Variants in GNG2 observed in about 807,000 individuals in gnomAD.
GNG2 encodes the protein guanine nucleotide-binding protein G(I)/G(S)/G(O) subunit gamma-2.
In GNG2, 5 loss-of-function variants were observed where a neutral mutation model predicts 5.5. The ratio of observed to expected loss-of-function variants is 0.91; its 90% CI spans 0.48 to 1.92. GNG2 has a LOEUF of 1.92. GNG2 is among the 30% of genes most tolerant of loss of function. GNG2 has a pLI of 0.01. For synonymous variants in GNG2, 28 were observed against 32.0 expected (o/e 0.88, Z 0.42); for missense variants, 55 against 88.4 (o/e 0.62, Z 1.52).
intron 2 of GNG2, among the ~76,000 whole-genome samples, chr14:51,851,737 C>T (rs533817475): frequency 2.4e-4 from 36 of 152,314 alleles, no homozygotes; most frequent in African/African-American, 8.2e-4. Flanking sequence ...ATTCTGAACA[C>T]TTTAATTTCT....
intron 2 of GNG2, among the ~76,000 whole-genome samples, chr14:51,851,770 C>T (rs1028479833): frequency 2.0e-5 from 3 of 152,200 alleles, no homozygotes; most frequent in Admixed American, 2.0e-4. Context: ...TATCTTTTCT[C>T]TAGTGGTGCC....
intron 2 of GNG2, among the ~76,000 whole-genome samples, chr14:51,830,711 G>A (rs1473660256): frequency 6.6e-6 from 1 of 152,172 alleles, no homozygotes; most frequent in Non-Finnish European, 1.5e-5. Flanking sequence ...TGTGGTCCAA[G>A]CTGCCAATGT....
At chr14:51,853,922 G>T (rs138361486) in intron 2 of GNG2, among the ~76,000 whole-genome samples, 38 of 149,486 alleles carry the variant, frequency 2.5e-4, no homozygotes, top group African/African-American at 8.4e-4. Context: ...ACAGAGTCTC[G>T]CTCTGTTGCC....
At chr14:51,857,137 T>G (rs997017678), upstream of GNG2, among the ~76,000 whole-genome samples, 1 of 152,176 alleles carries the variant, frequency 6.6e-6, no homozygotes, top group African/African-American at 2.4e-5. Context: ...ATAATGGCTT[T>G]AGTGCTGAAA....
intron 2 of GNG2, among the ~76,000 whole-genome samples, chr14:51,909,949 T>C (rs1886194078): frequency 1.3e-5 from 2 of 152,150 alleles, no homozygotes; most frequent in South Asian, 2.1e-4. Context: ...AAGAAATGCA[T>C]TGAGAGACCA....
chr14:51,880,988 A>AAC (rs1884031493), intron 2 of GNG2, among the ~76,000 whole-genome samples: 5 of 148,504 alleles, frequency 3.4e-5, no homozygotes, highest in Admixed American at 1.3e-4. Flanking sequence ...AAAAAAAAAA[A>AAC]CCCTGAGATT....
intron 2 of GNG2, among the ~76,000 whole-genome samples, chr14:51,928,309 C>T (rs985811931): frequency 6.6e-6 from 1 of 152,038 alleles, no homozygotes; most frequent in Non-Finnish European, 1.5e-5. Flanking sequence ...AAATTACAGG[C>T]GCGGTGGCTC....
chr14:51,922,107 T>C (rs1887048226), intron 2 of GNG2, among the ~76,000 whole-genome samples: 2 of 152,252 alleles, frequency 1.3e-5, no homozygotes, highest in East Asian at 1.9e-4. Context: ...TTTCTGTGTG[T>C]ATATGCGTGT....
rs750058721 is a variant in GNG2 at position 51,966,717 on chromosome 14, G to A, written c.*30G>A. 5 of 1,604,780 alleles carry A rather than the reference G, an allele frequency of 3.1e-6. No individual in the cohort carries two copies. Among genetic ancestry groups the A allele is most frequent in the South Asian group, 1.1e-5 (1 of 90,894 alleles). On this transcript the variant is annotated 3_prime_UTR_variant, in exon 4 of 4. Coordinates refer to ENST00000556766, the MANE Select transcript of GNG2 (RefSeq NM_053064.5). ...TTGAGAGGGGCCTGAAGAGCCTCCG[G>A]GCTCCTGGGACATTGATGTAGAGTT...
chr14:51,927,437 C>G (rs1335930636), intron 2 of GNG2, among the ~76,000 whole-genome samples: 1 of 152,188 alleles, frequency 6.6e-6, no homozygotes, highest in African/African-American at 2.4e-5. Context: ...TAACAGATTG[C>G]TATATTTCAC....
At chr14:51,865,341 CA>C (rs1882804330) in intron 1 of GNG2, among the ~76,000 whole-genome samples, 1 of 152,010 alleles carries the variant, frequency 6.6e-6, no homozygotes, top group African/African-American at 2.4e-5. Context: ...CCCTCACCTC[CA>C]AGATGATGAC....
chr14:51,962,288 C>T (rs1889660895), intron 3 of GNG2, among the ~76,000 whole-genome samples: 1 of 151,978 alleles, frequency 6.6e-6, no homozygotes, highest in African/African-American at 2.4e-5. Flanking sequence ...TATGTAAGAT[C>T]TAATAGGTCT....
In GNG2 at chr14:51,967,192, C is replaced by T. The variant is rs969215278; in HGVS notation, c.*505C>T. 1 of 154,572 alleles carries T rather than the reference C, an allele frequency of 6.5e-6. No homozygotes were observed. Among genetic ancestry groups the T allele is most frequent in the Non-Finnish European group, 1.4e-5 (1 of 69,750 alleles). 9.6% of individuals were successfully genotyped at this position (154,572 alleles called of 1,614,324 possible). A position where few individuals can be genotyped will look rare whatever the true frequency, so the allele number is the denominator to read the frequency against. ...TCTTCCTTCTCCTCTACCCCTCCTT[C>T]CACCCCTCCCCATTAGAGTAGTGTG... On this transcript the variant is annotated 3_prime_UTR_variant, in exon 4 of 4. Transcript: ENST00000556766.
chr14:51,943,610 G>A (rs1295749386), intron 2 of GNG2, among the ~76,000 whole-genome samples: 1 of 152,122 alleles, frequency 6.6e-6, no homozygotes, highest in African/African-American at 2.4e-5. Flanking sequence ...GAAGACAAAA[G>A]CATTCTTCTC....
chr14:51,894,187 T>C (rs1047371126), intron 2 of GNG2, among the ~76,000 whole-genome samples: 8 of 152,156 alleles, frequency 5.3e-5, no homozygotes, highest in Non-Finnish European at 1.2e-4. Context: ...AAGGACTTTT[T>C]TATATTTTGC....
intron 2 of GNG2, among the ~76,000 whole-genome samples, chr14:51,942,375 C>T (rs946444196): frequency 1.3e-5 from 2 of 151,906 alleles, no homozygotes; most frequent in Non-Finnish European, 2.9e-5. Flanking sequence ...GTTAGAGTCT[C>T]CACTTCTGCA....
Position 51,928,963 on chromosome 14 carries a change from C to T in GNG2, c.-29-21687C>T, listed in dbSNP as rs148777487. ...TAATAAATGATGTGCTTTCGTTGTT[C>T]TCACCGAACTATAACTTTAAGCATT... On this transcript the variant is annotated intron_variant, in intron 2 of 3. Coordinates refer to ENST00000556766, the MANE Select transcript of GNG2 (RefSeq NM_053064.5). Among the ~76,000 whole-genome samples the T allele has an allele frequency of 7.1e-4, 108 of 152,288 alleles. 1 individual carries two copies. Among genetic ancestry groups the T allele is most frequent in the African/African-American group, 1.9e-3 (77 of 41,536 alleles).
intron 2 of GNG2, among the ~76,000 whole-genome samples, chr14:51,832,313 C>T (rs756036124): frequency 1.5e-4 from 22 of 151,250 alleles, no homozygotes. Context: ...AAAAAGATGG[C>T]AAAGCTATTT....
intron 2 of GNG2, among the ~76,000 whole-genome samples, chr14:51,883,833 G>A (rs904726217): frequency 6.6e-6 from 1 of 151,640 alleles, no homozygotes; most frequent in Non-Finnish European, 1.5e-5. Context: ...ACTATAACTA[G>A]CATACACTAT....
Sources: allele counts gnomAD v4.1 joint callset (sites outside exome capture counted in the v4.1 genomes callset), GRCh38; gene constraint gnomAD v4.1.1; transcripts MANE v1.5; gene names NCBI Gene and HGNC (gene_info 2026-07-23, HGNC 2026-07-21).